The following PNPLA8 variants were observed in gnomAD, a reference collection of about 807,000 sequenced individuals.
PNPLA8 encodes the protein calcium-independent phospholipase A2-gamma.
PNPLA8 carries 39 observed loss-of-function variants against 76.9 expected under a neutral mutation model. The observed-to-expected ratio is 0.51, with a 90% confidence interval of 0.39 to 0.66. The LOEUF is 0.66. Among genes scored for constraint, PNPLA8 ranks in the 30% least tolerant of loss-of-function variants. The probability of loss-of-function intolerance (pLI) is 0.00; values close to 1 mark genes in which losing one functional copy is unlikely to be tolerated. For missense variants in PNPLA8, 887 were observed against 918.0 expected, an observed-to-expected ratio of 0.97 and a Z score of 0.44; for synonymous variants, 301 against 307.9, an observed-to-expected ratio of 0.98 and a Z score of 0.24.
chr7:108,472,178 C>A lies in PNPLA8; in HGVS notation c.*223G>T. 1 of 402,860 alleles carries A rather than the reference C, an allele frequency of 2.5e-6. No homozygotes were observed. Among genetic ancestry groups the A allele is most frequent in the Non-Finnish European group, 4.5e-6 (1 of 221,664 alleles). The allele number at this position is 402,860 out of a possible 1,614,324, so 25.0% of individuals were successfully genotyped here. A position where few individuals can be genotyped will look rare whatever the true frequency, so the allele number is the denominator to read the frequency against. On this transcript the variant is annotated 3_prime_UTR_variant, in exon 11 of 11. Transcript: ENST00000257694. ...ACTAGCACAGTAAGGGTTACTAAAGCTTAGCTAATTATTAACATCTTAAAA... is the reference window on the plus strand; with the variant it reads ...ACTAGCACAGTAAGGGTTACTAAAGATTAGCTAATTATTAACATCTTAAAA...
chr7:108,482,068 A>G (rs1860437173), intron 9 of PNPLA8, among the ~76,000 whole-genome samples: 1 of 152,188 alleles, frequency 6.6e-6, no homozygotes, highest in Admixed American at 6.5e-5. Context: ...ATTTATCTAC[A>G]TATCTATCTT....
rs1000014467 is a variant in PNPLA8 at position 108,488,010 on chromosome 7, T to C, written c.1684-57A>G. On this transcript the variant is annotated intron_variant, in intron 8 of 10. Coordinates refer to ENST00000257694, the MANE Select transcript of PNPLA8 (RefSeq NM_001256007.3). ...TTAACAGTAATATATTTGGGATCTGTAAAAATTAAATACTATTTAGTAGTA... is the reference window on the plus strand; with the variant it reads ...TTAACAGTAATATATTTGGGATCTGCAAAAATTAAATACTATTTAGTAGTA... 8.1e-5 allele frequency: 82 copies of C among 1,014,618 alleles called. 1 individual carries two copies. Among genetic ancestry groups the C allele is most frequent in the Non-Finnish European group, 1.1e-4 (75 of 669,964 alleles). 62.9% of individuals were successfully genotyped at this position (1,014,618 alleles called of 1,614,324 possible).
At chr7:108,474,083 GA>G (rs1181414962) in intron 10 of PNPLA8, among the ~76,000 whole-genome samples, 4 of 152,100 alleles carry the variant, frequency 2.6e-5, no homozygotes, top group Admixed American at 2.6e-4. Context: ...TGATGGGTCA[GA>G]TGCATGTTTT....
intron 4 of PNPLA8, chr7:108,510,297 G>A (rs1862814401): frequency 1.3e-6 from 2 of 1,588,350 alleles, no homozygotes; most frequent in Middle Eastern, 1.8e-4. Context: ...AAAAAGCGAA[G>A]GAATTTCTCA....
Position 108,487,830 on chromosome 7 carries a change from G to A in PNPLA8, c.1807C>T (p.Gln603Ter), listed in dbSNP as rs1010362521. Residue 603 changes from glutamine to a stop codon, truncating the protein, a stop_gained, in exon 9 of 11, where the codon CAG becomes TAG. Coordinates refer to ENST00000257694, the MANE Select transcript of PNPLA8 (RefSeq NM_001256007.3). LOFTEE classifies it high-confidence loss of function. ...GCAGCAGATGAGGCTCTAATGGCCT[G>A]CCACATTTTATACTGACAGCCTCCC... ...YLGGCQYKMW[Q>*]AIRASSAAPG... is the part of the protein sequence containing the mutation. 1 of 1,613,196 alleles carries A rather than the reference G, an allele frequency of 6.2e-7. No individual in the cohort carries two copies. Among genetic ancestry groups the A allele is most frequent in the African/African-American group, 1.3e-5 (1 of 75,016 alleles).
At chr7:108,513,054 G>C (rs975313737) in intron 4 of PNPLA8, among the ~76,000 whole-genome samples, 4 of 152,082 alleles carry the variant, frequency 2.6e-5, no homozygotes, top group Non-Finnish European at 4.4e-5. Context: ...ACATCAAATT[G>C]TTGGTGCCTT....
intron 10 of PNPLA8, among the ~76,000 whole-genome samples, chr7:108,474,311 C>T (rs1376143771): frequency 6.6e-6 from 1 of 152,044 alleles, no homozygotes; most frequent in Non-Finnish European, 1.5e-5. Flanking sequence ...TTCAGGTTTC[C>T]ATCTAAGATC....
At chr7:108,499,361 C>G (rs1404955622) in intron 5 of PNPLA8, among the ~76,000 whole-genome samples, 2 of 152,150 alleles carry the variant, frequency 1.3e-5, no homozygotes, top group Admixed American at 1.3e-4. Flanking sequence ...ACGTATATAT[C>G]TGCCAAGTTG....
intron 8 of PNPLA8, among the ~76,000 whole-genome samples, chr7:108,489,872 T>A (rs779410178): frequency 6.6e-6 from 1 of 152,206 alleles, no homozygotes; most frequent in African/African-American, 2.4e-5. Flanking sequence ...ACTCAGATCA[T>A]TGGGTTTCAA....
In PNPLA8 at chr7:108,514,800, C is replaced by T. The variant is rs373363815; in HGVS notation, c.692G>A (p.Arg231Gln). Residue 231 changes from arginine (R) to glutamine (Q), a missense_variant, in exon 3 of 11, where the codon CGG becomes CAG. Physicochemically the swap from Arg to Gln is conservative, Grantham distance 43. Transcript: ENST00000257694. ...MSQQKENEHF[R>Q]DKSELEDKKV... ...TTTATCTTCAAGTTCTGATTTGTCC[C>T]GGAAATGTTCATTTTCCTTTTGTTG... 39 of 1,612,882 alleles carry T rather than the reference C, an allele frequency of 2.4e-5. No individual in the cohort carries two copies. Among genetic ancestry groups the T allele is most frequent in the South Asian group, 1.3e-4 (12 of 91,036 alleles).
intron 4 of PNPLA8, chr7:108,510,523 C>A: frequency 7.3e-7 from 1 of 1,361,310 alleles, no homozygotes; most frequent in Non-Finnish European, 1.0e-6. Context: ...TCAGAGGTAT[C>A]AGTGGCGTGA....
intron 1 of PNPLA8, 101 bp downstream of exon 1, chr7:108,525,928 C>T (rs758280910): frequency 1.7e-5 from 7 of 417,802 alleles, no homozygotes; most frequent in Non-Finnish European, 2.3e-5. Flanking sequence ...TCGGGAAGTG[C>T]CCTCCAAAGA....
In PNPLA8 at chr7:108,497,537, G is replaced by C; in HGVS notation, c.1399C>G (p.Leu467Val). 1 of 1,612,212 alleles carries C rather than the reference G, an allele frequency of 6.2e-7. No homozygotes were observed. The highest frequency in any genetic ancestry group is 8.5e-7 in the Non-Finnish European group (1 of 1,178,956). The change falls in exon 6 of 11, where the codon CTT (leucine) becomes GTT (valine). Residue 467 changes from leucine (L) to valine (V), a missense_variant. Transcript: ENST00000257694. ...AGCTGATGAACTGGCTTCTGAGTAA[G>C]TTCAACTAATTTTCGTAGGGTCTGG... is the stretch of plus-strand genomic sequence containing the variant. ...ALQTLRKLVE[L>V]TQKPVHQLFD...
intron 8 of PNPLA8, among the ~76,000 whole-genome samples, chr7:108,488,390 C>A (rs1472332752): frequency 6.6e-6 from 1 of 152,070 alleles, no homozygotes; most frequent in Non-Finnish European, 1.5e-5. Flanking sequence ...GAGCAGCCTG[C>A]CCAAAATGGT....
At chr7:108,486,179 A>C (rs986906191) in intron 9 of PNPLA8, among the ~76,000 whole-genome samples, 1 of 152,100 alleles carries the variant, frequency 6.6e-6, no homozygotes, top group African/African-American at 2.4e-5. Context: ...CAAATGAAAT[A>C]ACTTCTTTTG....
At chr7:108,486,830 G>A (rs980387810) in intron 9 of PNPLA8, among the ~76,000 whole-genome samples, 1 of 152,030 alleles carries the variant, frequency 6.6e-6, no homozygotes, top group Non-Finnish European at 1.5e-5. Flanking sequence ...TGTCAACAGC[G>A]TAAGATTTTT....
At chr7:108,505,671 T>C (rs1008277456) in intron 4 of PNPLA8, among the ~76,000 whole-genome samples, 1 of 151,996 alleles carries the variant, frequency 6.6e-6, no homozygotes. Context: ...AAAAATACTT[T>C]TATGACTTTA....
At chr7:108,523,668 C>A (rs572832707) in intron 1 of PNPLA8, among the ~76,000 whole-genome samples, 1 of 152,270 alleles carries the variant, frequency 6.6e-6, no homozygotes, top group African/African-American at 2.4e-5. Flanking sequence ...CTTGCTGAGG[C>A]GCCTGGCTGC....
chr7:108,483,377 T>C (rs1860533694), intron 9 of PNPLA8, among the ~76,000 whole-genome samples: 1 of 152,234 alleles, frequency 6.6e-6, no homozygotes, highest in Non-Finnish European at 1.5e-5. Context: ...CGTCTTTCTA[T>C]TGCTTGCTCT....
Sources: allele counts gnomAD v4.1 joint callset (sites outside exome capture counted in the v4.1 genomes callset), GRCh38; gene constraint gnomAD v4.1.1; transcripts MANE v1.5; gene names NCBI Gene and HGNC (gene_info 2026-07-23, HGNC 2026-07-21).